Variants in NCALD observed in about 807,000 individuals in gnomAD.
NCALD encodes the protein neurocalcin delta.
A neutral mutation model predicts 18.6 loss-of-function variants in NCALD; 10 were observed. The observed-to-expected ratio is 0.54, with a 90% CI of 0.33 to 0.91. The LOEUF (loss-of-function observed/expected upper bound fraction) is 0.91. Ranked by LOEUF, NCALD falls within the 40% of genes least tolerant of loss-of-function variation. NCALD has a pLI of 0.03. For synonymous variants in NCALD, 88 were observed against 87.4 expected, an observed-to-expected ratio of 1.01 and a Z score of -0.04; for missense variants, 184 against 247.6, an observed-to-expected ratio of 0.74 and a Z score of 1.72.
intron 1 of NCALD, among the ~76,000 whole-genome samples, chr8:102,075,356 C>G (rs1824309710): frequency 1.3e-5 from 2 of 152,076 alleles, no homozygotes; most frequent in Non-Finnish European, 2.9e-5. Flanking sequence ...AGTAATGTAA[C>G]AGGAGGTTCA....
At chr8:101,942,380 T>C (rs549472102) in intron 2 of NCALD, among the ~76,000 whole-genome samples, 2 of 152,338 alleles carry the variant, frequency 1.3e-5, no homozygotes, top group African/African-American at 4.8e-5. Flanking sequence ...TATTTACTAA[T>C]GATCTATTCT....
chr8:101,831,603 G>A (rs1814188925), intron 4 of NCALD, among the ~76,000 whole-genome samples: 1 of 152,068 alleles, frequency 6.6e-6, no homozygotes, highest in African/African-American at 2.4e-5. Flanking sequence ...CCCCTAAAAG[G>A]CTGTTTACTT....
intron 1 of NCALD, among the ~76,000 whole-genome samples, chr8:102,024,082 A>G (rs1187206392): frequency 6.6e-6 from 1 of 152,236 alleles, no homozygotes; most frequent in Non-Finnish European, 1.5e-5. Context: ...CTTATAAAGA[A>G]GAATGCCAGA....
At chr8:101,892,209 A>T (rs1356073481) in intron 3 of NCALD, among the ~76,000 whole-genome samples, 1 of 148,816 alleles carries the variant, frequency 6.7e-6, no homozygotes, top group Non-Finnish European at 1.5e-5. Flanking sequence ...CTGACCCCTG[A>T]CCCCCGAGCA....
chr8:101,910,255 C>T (rs915796950), intron 3 of NCALD, among the ~76,000 whole-genome samples: 1 of 151,796 alleles, frequency 6.6e-6, no homozygotes. Flanking sequence ...GCCCTGAGCA[C>T]TGGGCAGGGC....
intron 1 of NCALD, among the ~76,000 whole-genome samples, chr8:102,050,969 T>C (rs1367865572): frequency 1.3e-5 from 2 of 148,796 alleles, no homozygotes; most frequent in East Asian, 1.9e-4. Context: ...TACAAAAATA[T>C]CTAGCATATG....
intron 1 of NCALD, among the ~76,000 whole-genome samples, chr8:102,033,038 T>C (rs183279273): frequency 4.7e-4 from 71 of 152,306 alleles, no homozygotes; most frequent in Non-Finnish European, 9.1e-4. Flanking sequence ...GATTTGTTCT[T>C]AGGGAAATAA....
chr8:101,717,706 C>T (rs1316856385), intron 2 of NCALD, among the ~76,000 whole-genome samples: 1 of 146,380 alleles, frequency 6.8e-6, no homozygotes, highest in Non-Finnish European at 1.5e-5. Context: ...GACGGCCAGA[C>T]AAAGGCACAA....
chr8:102,025,569 G>A (rs1822425290), intron 1 of NCALD, among the ~76,000 whole-genome samples: 1 of 152,208 alleles, frequency 6.6e-6, no homozygotes, highest in African/African-American at 2.4e-5. Context: ...CCCCAGCCAT[G>A]CAGGTAGAAA....
chr8:101,775,754 C>T (rs1343408460), intron 1 of NCALD, among the ~76,000 whole-genome samples: 1 of 152,168 alleles, frequency 6.6e-6, no homozygotes, highest in East Asian at 1.9e-4. Context: ...GCAGCCATTT[C>T]TCTCCTGGTG....
chr8:101,903,888 C>T (rs1452617637), intron 3 of NCALD, among the ~76,000 whole-genome samples: 1 of 152,160 alleles, frequency 6.6e-6, no homozygotes, highest in East Asian at 1.9e-4. Flanking sequence ...CTGTGAGTCC[C>T]TGGTATGCTG....
At chr8:101,767,329 T>G (rs1008843118) in intron 1 of NCALD, among the ~76,000 whole-genome samples, 1 of 152,330 alleles carries the variant, frequency 6.6e-6, no homozygotes, top group Non-Finnish European at 1.5e-5. Context: ...TAAATACTAG[T>G]GTTTTTCATT....
At chr8:102,036,673 G>A (rs1822877096) in intron 1 of NCALD, among the ~76,000 whole-genome samples, 1 of 152,120 alleles carries the variant, frequency 6.6e-6, no homozygotes, top group African/African-American at 2.4e-5. Flanking sequence ...TATTCAGGAG[G>A]CTGAGGCAAG....
chr8:102,012,293 A>G (rs1025002890), intron 2 of NCALD, among the ~76,000 whole-genome samples: 10 of 152,230 alleles, frequency 6.6e-5, no homozygotes, highest in Admixed American at 1.3e-4. Context: ...AACTGATTGG[A>G]CAGCACACGA....
At chr8:102,046,277 C>T (rs1207007406) in intron 1 of NCALD, among the ~76,000 whole-genome samples, 1 of 152,160 alleles carries the variant, frequency 6.6e-6, no homozygotes, top group Non-Finnish European at 1.5e-5. Context: ...CTTTCCTTTA[C>T]CATATCTCAC....
intron 2 of NCALD, among the ~76,000 whole-genome samples, chr8:101,698,551 C>A (rs1443395299): frequency 6.6e-6 from 1 of 152,104 alleles, no homozygotes; most frequent in African/African-American, 2.4e-5. Flanking sequence ...GCTACAGTAA[C>A]CAAAAGAGCA....
intron 2 of NCALD, among the ~76,000 whole-genome samples, chr8:101,711,203 C>A (rs1815775806): frequency 6.6e-6 from 1 of 152,164 alleles, no homozygotes; most frequent in African/African-American, 2.4e-5. Context: ...AACCAACAAA[C>A]AGAAAGCAAT....
At chr8:101,787,323 G>T (rs1455230001) in intron 1 of NCALD, among the ~76,000 whole-genome samples, 1 of 152,156 alleles carries the variant, frequency 6.6e-6, no homozygotes, top group South Asian at 2.1e-4. Context: ...AATAAGAAAC[G>T]TTTGAGAACA....
chr8:101,893,337 C>A (rs1816994714), intron 3 of NCALD, among the ~76,000 whole-genome samples: 2 of 150,714 alleles, frequency 1.3e-5, no homozygotes, highest in East Asian at 3.9e-4. Context: ...ACCACCAGGC[C>A]TGACCTAAAA....
Sources: gnomAD v4.1 joint callset for allele counts (sites outside exome capture counted in the v4.1 genomes callset) on GRCh38, gnomAD v4.1.1 for gene constraint, MANE v1.5 for transcripts, NCBI Gene and HGNC (gene_info 2026-07-23, HGNC 2026-07-21) for gene names.